The following RALGAPA2 variants were observed in gnomAD, a reference collection of about 807,000 sequenced individuals.
The protein encoded by RALGAPA2 is Ral GTPase activating protein catalytic subunit alpha 2.
A neutral mutation model predicts 230.4 loss-of-function variants in RALGAPA2; 139 were observed. That is an observed-to-expected ratio of 0.60 (90% CI 0.53 to 0.69). The LOEUF is 0.69. RALGAPA2 is among the 30% of genes least tolerant of loss of function. The pLI, the probability that RALGAPA2 is intolerant of heterozygous loss-of-function variation, is 0.00. For synonymous variants in RALGAPA2, 847 were observed against 837.8 expected (o/e 1.01, Z -0.19); for missense variants, 2,163 against 2,276.0 (o/e 0.95, Z 1.01).
chr20:20,625,054 T>C (rs900555560), intron 10 of RALGAPA2, among the ~76,000 whole-genome samples: 2 of 152,184 alleles, frequency 1.3e-5, no homozygotes, highest in African/African-American at 4.8e-5. Flanking sequence ...CTTGCTTTTC[T>C]GCCTGCCTGC....
At chr20:20,486,497 C>A (rs2061914940) in intron 36 of RALGAPA2, among the ~76,000 whole-genome samples, 1 of 152,122 alleles carries the variant, frequency 6.6e-6, no homozygotes, top group Non-Finnish European at 1.5e-5. Flanking sequence ...GCTACTGGTG[C>A]CAGCATAGGA....
At chr20:20,675,066 T>A (rs1227453962) in intron 3 of RALGAPA2, among the ~76,000 whole-genome samples, 1 of 152,162 alleles carries the variant, frequency 6.6e-6, no homozygotes, top group East Asian at 1.9e-4. Flanking sequence ...CAAATGATGG[T>A]CAGTAGATAC....
chr20:20,708,622 C>A lies in RALGAPA2; in HGVS notation c.106+3753G>T, dbSNP rs531155499. 1.0e-3 allele frequency among the ~76,000 whole-genome samples: 157 copies of A among 152,286 alleles called. 1 individual carries two copies. The highest frequency in any genetic ancestry group is 3.6e-3 in the African/African-American group (150 of 41,558). ...ACTGTGAGTCAATTAAACCTCCTTCCTTTATAAATTACCCAGTCTCAGGTA... is the reference window on the plus strand; with the variant it reads ...ACTGTGAGTCAATTAAACCTCCTTCATTTATAAATTACCCAGTCTCAGGTA... On this transcript the variant is annotated intron_variant, in intron 1 of 39. Coordinates refer to ENST00000202677, the MANE Select transcript of RALGAPA2 (RefSeq NM_020343.4).
At chr20:20,697,512 G>T (rs895287700) in intron 1 of RALGAPA2, among the ~76,000 whole-genome samples, 1 of 152,178 alleles carries the variant, frequency 6.6e-6, no homozygotes, top group Non-Finnish European at 1.5e-5. Flanking sequence ...CAGTTCTGTT[G>T]TGGGAGGTAA....
At chr20:20,519,876 AT>A (rs890839627) in intron 31 of RALGAPA2, among the ~76,000 whole-genome samples, 130 of 145,994 alleles carry the variant, frequency 8.9e-4, no homozygotes, top group African/African-American at 1.0e-3. Context: ...CATCTCTTTA[AT>A]TTTTTTTTTT....
chr20:20,592,768 A>C (rs1432110128), intron 16 of RALGAPA2, among the ~76,000 whole-genome samples: 1 of 152,124 alleles, frequency 6.6e-6, no homozygotes, highest in Non-Finnish European at 1.5e-5. Flanking sequence ...GGCTCACCTT[A>C]AGCAAGAAGT....
intron 37 of RALGAPA2, among the ~76,000 whole-genome samples, chr20:20,456,883 A>G (rs1043391895): frequency 2.0e-5 from 3 of 152,054 alleles, no homozygotes; most frequent in African/African-American, 7.2e-5. Context: ...TCACCGGCAC[A>G]ATCATATTGC....
chr20:20,635,422 A>G lies in RALGAPA2; in HGVS notation c.1001T>C (p.Ile334Thr), dbSNP rs776443792. The G allele has an allele frequency of 6.3e-7, 1 of 1,591,538 alleles. No individual in the cohort carries two copies. Among genetic ancestry groups the G allele is most frequent in the Non-Finnish European group, 8.5e-7 (1 of 1,171,164 alleles). ...AAAAGATGATGGATGGCATACCTGGATGATTTTAGGCAATACATCAACTCC... is the reference window on the plus strand; with the variant it reads ...AAAAGATGATGGATGGCATACCTGGGTGATTTTAGGCAATACATCAACTCC... Reference protein sequence around the residue: ...KNGVDVLPKIIQTVGGGAVQE... With the variant: ...KNGVDVLPKITQTVGGGAVQE... The change falls in exon 9 of 40, where the codon ATC becomes ACC. Residue 334 changes from isoleucine (I) to threonine (T), a missense_variant. Transcript: ENST00000202677.
rs188697464 is a variant in RALGAPA2, at chr20:20,513,993, G to A, written c.4085-709C>T. 1.1e-3 allele frequency among the ~76,000 whole-genome samples: 160 copies of A among 152,326 alleles called. 1 individual carries two copies. Among genetic ancestry groups the A allele is most frequent in the Non-Finnish European group, 1.7e-3 (118 of 68,038 alleles). ...CATGTGTCATTGCTGAGTGCACCAG[G>A]CTGCTCCCCTGAGATCATGGTGCAG... On this transcript the variant is annotated intron_variant, in intron 31 of 39. Coordinates refer to ENST00000202677, the MANE Select transcript of RALGAPA2 (RefSeq NM_020343.4).
At chr20:20,651,270 A>G (rs1212894645) in intron 4 of RALGAPA2, among the ~76,000 whole-genome samples, 1 of 152,184 alleles carries the variant, frequency 6.6e-6, no homozygotes, top group Admixed American at 6.5e-5. Flanking sequence ...GTCAACACCA[A>G]TTTCCACCCA....
intron 26 of RALGAPA2, among the ~76,000 whole-genome samples, chr20:20,533,710 T>C (rs2063426702): frequency 6.6e-6 from 1 of 152,174 alleles, no homozygotes; most frequent in Admixed American, 6.5e-5. Context: ...TTATATGGGA[T>C]ACTGACAAAA....
chr20:20,598,271 T>C (rs1248421906), intron 16 of RALGAPA2, among the ~76,000 whole-genome samples: 1 of 152,208 alleles, frequency 6.6e-6, no homozygotes, highest in African/African-American at 2.4e-5. Flanking sequence ...CCCGCCTACA[T>C]ACATTTTTCT....
At chr20:20,489,976 C>A (rs1459377202) in intron 36 of RALGAPA2, among the ~76,000 whole-genome samples, 1 of 152,196 alleles carries the variant, frequency 6.6e-6, no homozygotes, top group East Asian at 1.9e-4. Flanking sequence ...GATGTATATG[C>A]AAAGACCAAC....
At chr20:20,557,287 C>T (rs773739490) in intron 23 of RALGAPA2, among the ~76,000 whole-genome samples, 21 of 151,638 alleles carry the variant, frequency 1.4e-4, no homozygotes, top group African/African-American at 2.4e-4. Context: ...CCAGCCTGGG[C>T]GACAGAGTGA....
intron 37 of RALGAPA2, among the ~76,000 whole-genome samples, chr20:20,422,570 C>CA (rs375505483): frequency 1.1e-4 from 16 of 147,732 alleles, no homozygotes; most frequent in South Asian, 2.1e-4. Flanking sequence ...GACCCTGTCT[C>CA]AAAAAAAAAA....
intron 3 of RALGAPA2, among the ~76,000 whole-genome samples, chr20:20,660,992 AAAAAG>A (rs2146671781): frequency 6.6e-6 from 1 of 152,300 alleles, no homozygotes; most frequent in South Asian, 2.1e-4. Flanking sequence ...TAAATGTGTA[AAAAAG>A]AAAAGAATAC....
In RALGAPA2 at chr20:20,591,213, C is replaced by T. The variant is rs200822990; in HGVS notation, c.2305G>A (p.Asp769Asn). The T allele has an allele frequency of 8.1e-6, 13 of 1,613,774 alleles. No homozygotes were observed. The Admixed American group carries it at 1.2e-4, about 14-fold the overall frequency. ...TCTGAGCACAGCGGCTCGGGGATGT[C>T]GGAGGTGCTGCTGCTCCGAAGGACC... ...QQVLRSSSTS[D>N]IPEPLCSDSS... is the part of the protein sequence containing the mutation. Residue 769 changes from aspartate to asparagine, a missense_variant, in exon 17 of 40, where the codon GAC becomes AAC. By Grantham distance (23) the Asp-to-Asn change is conservative. Coordinates refer to ENST00000202677, the MANE Select transcript of RALGAPA2 (RefSeq NM_020343.4).
At chr20:20,645,948 T>C (rs367886640) in intron 4 of RALGAPA2, among the ~76,000 whole-genome samples, 1 of 150,862 alleles carries the variant, frequency 6.6e-6, no homozygotes, top group East Asian at 2.0e-4. Flanking sequence ...GAACTCTTTT[T>C]TAATAATAAA....
At chr20:20,505,842 C>T (rs373187338) in intron 33 of RALGAPA2, among the ~76,000 whole-genome samples, 1 of 152,150 alleles carries the variant, frequency 6.6e-6, no homozygotes, top group East Asian at 1.9e-4. Flanking sequence ...CTTCCTGAGA[C>T]CATACCCTCA....
Sources: gnomAD v4.1 joint callset for allele counts (sites outside exome capture counted in the v4.1 genomes callset) on GRCh38, gnomAD v4.1.1 for gene constraint, MANE v1.5 for transcripts, NCBI Gene and HGNC (gene_info 2026-07-23, HGNC 2026-07-21) for gene names.